MZT2B: variants seen among roughly 807,000 people sequenced by gnomAD.
MZT2B encodes the protein mitotic spindle organizing protein 2B.
In MZT2B, 11 loss-of-function variants were observed where a neutral mutation model predicts 12.1. That is an observed-to-expected ratio of 0.91 (90% CI 0.57 to 1.50). The LOEUF (loss-of-function observed/expected upper bound fraction) is 1.50, where lower values mean the gene tolerates loss of function less well. Ranked by LOEUF, MZT2B falls within the 40% of genes most tolerant of loss-of-function variation. The pLI, the probability that MZT2B is intolerant of heterozygous loss-of-function variation, is 0.00. For synonymous variants in MZT2B, 85 were observed against 109.5 expected (o/e 0.78, Z 1.40); for missense variants, 209 against 227.7 (o/e 0.92, Z 0.53).
At chr2:130,193,682 C>T (rs1369039317), downstream of MZT2B, 1 of 1,431,178 alleles carries the variant, frequency 7.0e-7, no homozygotes, top group African/African-American at 1.4e-5. Context: ...CATGCCTAGC[C>T]CATGGAACAG....
intron 2 of MZT2B, chr2:130,184,656 A>G: frequency 1.7e-5 from 17 of 985,408 alleles, no homozygotes; most frequent in Non-Finnish European, 2.0e-5. Context: ...GGCCTGGAGT[A>G]GGGGTGTATG....
upstream of MZT2B, chr2:130,181,787 G>C (rs1450815266): frequency 2.6e-6 from 4 of 1,547,164 alleles, no homozygotes; most frequent in South Asian, 4.8e-5. Flanking sequence ...GGCGGCCTCC[G>C]GCGCCCCAAG....
downstream of MZT2B, chr2:130,192,115 A>G (rs770175306): frequency 6.9e-6 from 11 of 1,596,008 alleles, no homozygotes; most frequent in South Asian, 1.2e-4. Flanking sequence ...GGGGGCTGGT[A>G]GTTAATGCCC....
At chr2:130,182,115 A>G, upstream of MZT2B, 1 of 1,314,434 alleles carries the variant, frequency 7.6e-7, no homozygotes, top group Non-Finnish European at 9.7e-7. Flanking sequence ...AGCGCCCAAT[A>G]ACTGTTGGGC....
rs184232774 is a variant in MZT2B, at chr2:130,187,894, T to C, written c.320-2575T>C. On this transcript the variant is annotated intron_variant, in intron 2 of 2. Coordinates refer to ENST00000281871, the MANE Select transcript of MZT2B (RefSeq NM_025029.5). ...ACCCTGTCAGATTTAAAGATAAGCA[T>C]TATTAGCCAGGTGTGGCCCCATGCT... 2.0e-3 allele frequency among the ~76,000 whole-genome samples: 298 copies of C among 152,164 alleles called. 12 individuals carry two copies. In the South Asian group the frequency reaches 0.058, roughly 29 times the overall value.
At chr2:130,201,062 G>A in the MZT2B span, among the ~76,000 whole-genome samples, 1 of 152,236 alleles carries the variant, frequency 6.6e-6, no homozygotes, top group African/African-American at 2.4e-5. Flanking sequence ...GAGGAGAGCA[G>A]AGAAGAGAGA....
chr2:130,182,568 C>T, intron 1 of MZT2B, 59 bp from the exon 2 acceptor site: 1 of 1,566,462 alleles, frequency 6.4e-7, no homozygotes. Context: ...GTCGGGTCTT[C>T]AGGGAGGTGG....
At position 130,185,635 on chromosome 2, in the gene MZT2B, G is replaced by A. The variant is rs12622861; in HGVS notation, c.319+2860G>A. Among the ~76,000 whole-genome samples the A allele has an allele frequency of 6.0e-3, 675 of 112,414 alleles. 106 individuals are homozygous for A. Among genetic ancestry groups the A allele is most frequent in the African/African-American group, 0.019 (596 of 31,310 alleles). The allele number at this position is 112,414 out of a possible 152,430, so 73.7% of individuals were successfully genotyped here. On this transcript the variant is annotated intron_variant, in intron 2 of 2. Coordinates refer to ENST00000281871, the MANE Select transcript of MZT2B (RefSeq NM_025029.5). ...GTGTGAGCTGGGGCAGTGGGAGGGC[G>A]TGGGTGAGGCAGAGCGCTGTCCAGG... is the stretch of plus-strand genomic sequence containing the variant.
At chr2:130,195,298 T>G (rs1296025049), downstream of MZT2B, 79 of 1,565,334 alleles carry the variant, frequency 5.0e-5, no homozygotes, top group Non-Finnish European at 6.8e-5. Context: ...ATTCCAGGAG[T>G]GTTCACTTCT....
At chr2:130,185,099 G>A (rs1162381845) in intron 2 of MZT2B, among the ~76,000 whole-genome samples, 1 of 152,138 alleles carries the variant, frequency 6.6e-6, no homozygotes, top group Non-Finnish European at 1.5e-5. Flanking sequence ...CTCGAGGTCA[G>A]GAGATTGAGA....
the MZT2B span, chr2:130,202,248 C>T: frequency 8.4e-7 from 1 of 1,185,128 alleles, no homozygotes; most frequent in Non-Finnish European, 1.1e-6. Flanking sequence ...TTCAATAAGT[C>T]AGCTAACAAC....
At chr2:130,198,215 C>G in the MZT2B span, 507 of 959,180 alleles carry the variant, frequency 5.3e-4, 102 homozygotes, top group African/African-American at 8.2e-3. Context: ...GAAACGATCC[C>G]GTGTCCTCCT....
intron 2 of MZT2B, chr2:130,188,066 CAA>C (rs35336011): frequency 1.7e-3 from 228 of 138,112 alleles, no homozygotes; most frequent in Non-Finnish European, 1.7e-3. Flanking sequence ...CCCCACCACT[CAA>C]AAAAAAAAAA....
In MZT2B at chr2:130,183,705, A is replaced by G. The variant is rs372433124; in HGVS notation, c.319+930A>G. On this transcript the variant is annotated intron_variant, in intron 2 of 2. Coordinates refer to ENST00000281871, the MANE Select transcript of MZT2B (RefSeq NM_025029.5). ...CTGGGCACCCACACCCGCTGACCCA[A>G]GAGGGCCCGGGCACCTGCGTGCTGG... The G allele has an allele frequency of 8.6e-5, 134 of 1,550,206 alleles. No homozygotes were observed. The African/African-American group carries it at 1.7e-3, about 20-fold the overall frequency.
At chr2:130,200,872 G>A in the MZT2B span, among the ~76,000 whole-genome samples, 9 of 152,246 alleles carry the variant, frequency 5.9e-5, no homozygotes, top group African/African-American at 1.9e-4. Context: ...GACTACAGGT[G>A]TGTGATTCTT....
downstream of MZT2B, chr2:130,194,009 G>T: frequency 6.2e-7 from 1 of 1,614,158 alleles, no homozygotes; most frequent in Non-Finnish European, 8.5e-7. Context: ...GGCCTTCTCA[G>T]CTGAGATGAC....
the MZT2B span, among the ~76,000 whole-genome samples, chr2:130,199,174 A>T: frequency 1.6e-4 from 19 of 119,940 alleles, 2 homozygotes; most frequent in East Asian, 2.7e-4. Context: ...ATTGGGCCAC[A>T]GCACACTCCA....
chr2:130,184,839 C>T, intron 2 of MZT2B: 3 of 985,372 alleles, frequency 3.0e-6, no homozygotes, highest in Non-Finnish European at 3.6e-6. Flanking sequence ...GTGAGATGAT[C>T]ACACTCAGAG....
intron 2 of MZT2B, among the ~76,000 whole-genome samples, chr2:130,189,536 C>T (rs1267964493): frequency 6.6e-6 from 1 of 152,144 alleles, no homozygotes; most frequent in East Asian, 1.9e-4. Flanking sequence ...AGCCCACAGG[C>T]CAGACCCTGC....
Sources: gnomAD v4.1 joint callset for allele counts (sites outside exome capture counted in the v4.1 genomes callset) on GRCh38, gnomAD v4.1.1 for gene constraint, MANE v1.5 for transcripts, NCBI Gene and HGNC (gene_info 2026-07-23, HGNC 2026-07-21) for gene names.